AIMP1: variants seen among roughly 807,000 people sequenced by gnomAD.
AIMP1 encodes the protein aminoacyl tRNA synthetase complex interacting multifunctional protein 1, also known as aminoacyl tRNA synthase complex-interacting multifunctional protein 1.
A neutral mutation model predicts 33.1 loss-of-function variants in AIMP1; 24 were observed. The ratio of observed to expected loss-of-function variants is 0.73; its 90% CI spans 0.53 to 1.02. The LOEUF is 1.02. Ranked by LOEUF, AIMP1 falls within the 50% of genes least tolerant of loss-of-function variation. AIMP1 has a pLI of 0.00. For synonymous variants in AIMP1, 120 were observed against 121.5 expected, an observed-to-expected ratio of 0.99 and a Z score of 0.08; for missense variants, 367 against 364.8, an observed-to-expected ratio of 1.01 and a Z score of -0.05.
rs1378032604 is a variant in AIMP1, at chr4:106,349,160, A to G, written c.*1468A>G. ...TTGTTGGTACCTAAACACAAAATGA[A>G]TTTCAAAAGTTACTTTGTTCTCAAG... is the stretch of plus-strand genomic sequence containing the variant. On this transcript the variant is annotated 3_prime_UTR_variant, in exon 7 of 7. Coordinates refer to ENST00000672341, the MANE Select transcript of AIMP1 (RefSeq NM_001142416.2). 2 of 152,084 alleles carry G rather than the reference A, an allele frequency of 1.3e-5. No individual in the cohort carries two copies. Among genetic ancestry groups the G allele is most frequent in the Non-Finnish European group, 2.9e-5 (2 of 67,996 alleles). The allele number at this position is 152,084 out of a possible 1,614,324, so 9.4% of individuals were successfully genotyped here. A position where few individuals can be genotyped will look rare whatever the true frequency, so the allele number is the denominator to read the frequency against.
chr4:106,324,791 G>T (rs981955437), intron 1 of AIMP1, among the ~76,000 whole-genome samples, 194 bp from the exon 2 acceptor site: 1 of 152,108 alleles, frequency 6.6e-6, no homozygotes, highest in Non-Finnish European at 1.5e-5. Flanking sequence ...CTTCTAAGTA[G>T]ATTCAGGAAT....
At chr4:106,316,404 G>A (rs572939032), upstream of AIMP1, 101 of 751,140 alleles carry the variant, frequency 1.3e-4, no homozygotes, top group Non-Finnish European at 2.2e-4. Context: ...AAGACGAGGA[G>A]CGTGGTATGG....
chr4:106,336,252 C>CG (rs1420119580), intron 5 of AIMP1, among the ~76,000 whole-genome samples: 1 of 142,326 alleles, frequency 7.0e-6, no homozygotes, highest in Non-Finnish European at 1.5e-5. Flanking sequence ...ATGCTGGTCT[C>CG]GAAAAAAAAA....
intron 1 of AIMP1, among the ~76,000 whole-genome samples, chr4:106,320,018 G>A (rs1561020103): frequency 6.6e-6 from 1 of 152,182 alleles, no homozygotes; most frequent in Non-Finnish European, 1.5e-5. Flanking sequence ...GATTATTACA[G>A]TATTCGAAAT....
intron 1 of AIMP1, among the ~76,000 whole-genome samples, chr4:106,318,436 A>G (rs1016646537): frequency 2.0e-5 from 3 of 152,192 alleles, no homozygotes; most frequent in Admixed American, 1.3e-4. Flanking sequence ...ATATTTTTAC[A>G]TATCCAGTAA....
intron 5 of AIMP1, among the ~76,000 whole-genome samples, chr4:106,335,950 C>T (rs959412794): frequency 1.3e-5 from 2 of 149,582 alleles, no homozygotes; most frequent in Admixed American, 6.7e-5. Context: ...AAGAAATTTC[C>T]GTTTGCTTCC....
chr4:106,315,867 G>C (rs1768780376), upstream of AIMP1: 1 of 152,768 alleles, frequency 6.5e-6, no homozygotes, highest in African/African-American at 2.4e-5. Context: ...GCTCCTGATA[G>C]TCCTCTACCT....
intron 6 of AIMP1, among the ~76,000 whole-genome samples, chr4:106,342,731 G>A (rs1436503031): frequency 6.6e-6 from 1 of 152,098 alleles, no homozygotes; most frequent in African/African-American, 2.4e-5. Context: ...AGAGATATTG[G>A]CCTAAAGTTT....
intron 1 of AIMP1, among the ~76,000 whole-genome samples, chr4:106,323,092 A>G (rs1407183015): frequency 1.3e-5 from 2 of 152,142 alleles, no homozygotes; most frequent in Non-Finnish European, 2.9e-5. Flanking sequence ...GTATTTTGAA[A>G]CATGACATTC....
chr4:106,331,575 C>T, intron 4 of AIMP1, 97 bp from the exon 5 acceptor site: 5 of 1,004,720 alleles, frequency 5.0e-6, no homozygotes, highest in South Asian at 1.4e-5. Flanking sequence ...TTTATTTTTT[C>T]CTTTTAAGCT....
intron 5 of AIMP1, among the ~76,000 whole-genome samples, chr4:106,335,365 C>G (rs1769836035): frequency 6.6e-6 from 1 of 151,888 alleles, no homozygotes; most frequent in African/African-American, 2.4e-5. Context: ...CAGCAGCCAT[C>G]ATTCACAACC....
At chr4:106,336,310 G>A (rs1369328956) in intron 5 of AIMP1, among the ~76,000 whole-genome samples, 1 of 149,960 alleles carries the variant, frequency 6.7e-6, no homozygotes, top group South Asian at 2.1e-4. Flanking sequence ...CCAAGGAGCT[G>A]GGATTATAGG....
chr4:106,348,023 G>T lies in AIMP1; in HGVS notation c.*331G>T. 5.2e-6 allele frequency: 1 copy of T among 191,326 alleles called. No individual in the cohort carries two copies. Among genetic ancestry groups the T allele is most frequent in the Non-Finnish European group, 1.1e-5 (1 of 92,228 alleles). The allele number at this position is 191,326 out of a possible 1,614,324, so 11.9% of individuals were successfully genotyped here. A position where few individuals can be genotyped will look rare whatever the true frequency, so the allele number is the denominator to read the frequency against. On this transcript the variant is annotated 3_prime_UTR_variant, in exon 7 of 7. Transcript: ENST00000672341. ...GTTTAGTTTCTTATTTGTAGGCACA[G>T]GATGCATGAAATTTCAAGCTCTGGG...
chr4:106,323,230 C>T (rs1474218362), intron 1 of AIMP1, among the ~76,000 whole-genome samples: 1 of 151,892 alleles, frequency 6.6e-6, no homozygotes, highest in African/African-American at 2.4e-5. Flanking sequence ...GTATTTTTTT[C>T]TCTTAGGCTA....
At chr4:106,316,415 C>T, upstream of AIMP1, 2 of 831,848 alleles carry the variant, frequency 2.4e-6, no homozygotes, top group South Asian at 3.1e-5. Flanking sequence ...CGTGGTATGG[C>T]AGGTTAATGG....
intron 1 of AIMP1, among the ~76,000 whole-genome samples, chr4:106,319,975 T>G (rs1249513098): frequency 6.6e-6 from 1 of 152,214 alleles, no homozygotes; most frequent in Non-Finnish European, 1.5e-5. Flanking sequence ...GGCAAATTAA[T>G]TTTAATTCAA....
chr4:106,337,455 C>T (rs1311817080), intron 6 of AIMP1, among the ~76,000 whole-genome samples: 1 of 152,172 alleles, frequency 6.6e-6, no homozygotes, highest in Non-Finnish European at 1.5e-5. Flanking sequence ...CCTACGCATG[C>T]TCTCTTGTCT....
intron 6 of AIMP1, among the ~76,000 whole-genome samples, chr4:106,340,935 G>GT (rs2125927877): frequency 6.6e-6 from 1 of 152,034 alleles, no homozygotes; most frequent in South Asian, 2.1e-4. Context: ...TCTTATTTTT[G>GT]TTTTTTGTCT....
At chr4:106,330,916 G>A (rs141462198) in intron 4 of AIMP1, among the ~76,000 whole-genome samples, 1 of 152,106 alleles carries the variant, frequency 6.6e-6, no homozygotes, top group East Asian at 1.9e-4. Context: ...TAACTCAGTA[G>A]CTAAAATAAT....
Sources: allele counts gnomAD v4.1 joint callset (sites outside exome capture counted in the v4.1 genomes callset), GRCh38; gene constraint gnomAD v4.1.1; transcripts MANE v1.5; gene names NCBI Gene and HGNC (gene_info 2026-07-23, HGNC 2026-07-21).